SAMD14: variants seen among roughly 807,000 people sequenced by gnomAD.
The protein encoded by SAMD14 is sterile alpha motif domain-containing protein 14.
A neutral mutation model predicts 46.2 loss-of-function variants in SAMD14; 27 were observed. The observed-to-expected ratio is 0.58, with a 90% CI of 0.43 to 0.81. The LOEUF is 0.81. Among genes scored for constraint, SAMD14 ranks in the 30% least tolerant of loss-of-function variants. The pLI, the probability that SAMD14 is intolerant of heterozygous loss-of-function variation, is 0.00. For synonymous variants in SAMD14, 241 were observed against 254.3 expected, an observed-to-expected ratio of 0.95 and a Z score of 0.50; for missense variants, 559 against 582.2, an observed-to-expected ratio of 0.96 and a Z score of 0.41.
At chr17:50,117,805 G>T (rs1911306455) in intron 3 of SAMD14, 110 bp from the exon 4 acceptor site, 1 of 1,185,452 alleles carries the variant, frequency 8.4e-7, no homozygotes, top group Non-Finnish European at 1.1e-6. Flanking sequence ...CCGGGGCCTA[G>T]AGGGAGGGTT....
chr17:50,114,288 C>G lies in SAMD14; in HGVS notation c.841G>C (p.Asp281His). 1 of 1,614,046 alleles carries G rather than the reference C, an allele frequency of 6.2e-7. No homozygotes were observed. Among genetic ancestry groups the G allele is most frequent in the Non-Finnish European group, 8.5e-7 (1 of 1,179,996 alleles). ...SASQESTLSDDSTPPSSSPKI... is the reference protein window; with the variant it reads ...SASQESTLSDHSTPPSSSPKI... ...GGGCTGCTGCTGGGGGGCGTGGAGT[C>G]ATCACTCAGAGTGGATTCCTAGACA... is the stretch of plus-strand genomic sequence containing the variant. The change falls in exon 8 of 10, where the codon GAC becomes CAC. Residue 281 changes from aspartate (D) to histidine (H), a missense_variant. By Grantham distance (81) the Asp-to-His change is moderately conservative (BLOSUM62 -1). Coordinates refer to ENST00000330175, the MANE Select transcript of SAMD14 (RefSeq NM_001257359.2).
rs891569965 is a variant in SAMD14 at position 50,117,429 on chromosome 17, C to T, written c.477G>A (p.Pro159=). 1.7e-5 allele frequency: 23 copies of T among 1,341,804 alleles called. 1 individual carries two copies. In the African/African-American group the frequency reaches 2.4e-4, roughly 14 times the overall value. 83.1% of individuals were successfully genotyped at this position (1,341,804 alleles called of 1,614,324 possible). ...CACCTTCGCTGTGCGGCTCTGCGCG[C>T]GGGTGGCGGCGCACGAAGCTGGGGG... ...DSSPSFVRRH[P]RAEPHSEDDS... is the part of the protein sequence containing the mutation. The change falls in exon 4 of 10, where the codon CCG becomes CCA. Residue 159 remains proline, a synonymous_variant. Coordinates refer to ENST00000330175, the MANE Select transcript of SAMD14 (RefSeq NM_001257359.2).
In SAMD14 at chr17:50,117,554, G is replaced by C. The variant is rs1484310799; in HGVS notation, c.352C>G (p.Pro118Ala). The stretch of plus-strand genomic sequence containing the variant: ...TGCAGGGGCCGGTAGCGTGTGAGCG[G>C]CGAGGGCGGCGGCTCGTCCTCGTCC... ...SLDEDEPPPS[P>A]LTRYRPLHNA... The change falls in exon 4 of 10, where the codon CCG becomes GCG. Residue 118 changes from proline (P) to alanine (A), a missense_variant. Pro to Ala is a conservative substitution (Grantham distance 27). Transcript: ENST00000330175. 6.4e-7 allele frequency: 1 copy of C among 1,552,674 alleles called. No individual in the cohort carries two copies. Among genetic ancestry groups the C allele is most frequent in the Admixed American group, 1.8e-5 (1 of 54,942 alleles).
At chr17:50,124,752 CACGCGT>C (rs1252401482) in intron 2 of SAMD14, among the ~76,000 whole-genome samples, 159 bp downstream of exon 2, 2 of 116,066 alleles carry the variant, frequency 1.7e-5, no homozygotes, top group Non-Finnish European at 3.7e-5. Flanking sequence ...ACAATACCTG[CACGCGT>C]GCACGCGCGC....
rs267604941 is a variant in SAMD14 at position 50,118,168 on chromosome 17, C to G, written c.203G>C (p.Gly68Ala). Residue 68 changes from glycine to alanine, a missense_variant, in exon 3 of 10, where the codon GGA (glycine) becomes GCA (alanine). Transcript: ENST00000330175. The part of the protein sequence containing the change: ...AEDGEGSDGP[G>A]GKVTDGCGSP... ...TTCCTAACTTGCCCCAACCTTGCCT[C>G]CGGGCCCATCCGAGCCTTCACCATC... 1 of 1,597,062 alleles carries G rather than the reference C, an allele frequency of 6.3e-7. No individual in the cohort carries two copies. The highest frequency in any genetic ancestry group is 1.3e-5 in the African/African-American group (1 of 74,670).
In SAMD14 at chr17:50,115,864, C is replaced by T; in HGVS notation, c.628G>A (p.Glu210Lys). The change falls in exon 6 of 10, where the codon GAG becomes AAG. Residue 210 changes from glutamate (E) to lysine (K), a missense_variant. By Grantham distance (56) the Glu-to-Lys change is moderately conservative. Transcript: ENST00000330175. This position sits in a 1 kb window ranked among gnomAD's most constrained non-coding sequence, Gnocchi z 5.3. ...ATGGACAGTCGGTTGCTGCCTTTCTCCTTCCGGCTCTTGCCCGTGGATGCT... is the reference window on the plus strand; with the variant it reads ...ATGGACAGTCGGTTGCTGCCTTTCTTCTTCCGGCTCTTGCCCGTGGATGCT... ...RRASTGKSRK[E>K]KGSNRLSMGS... 6.2e-7 allele frequency: 1 copy of T among 1,613,250 alleles called. No individual in the cohort carries two copies. Among genetic ancestry groups the T allele is most frequent in the Non-Finnish European group, 8.5e-7 (1 of 1,179,884 alleles).
rs1469968482 is a variant in SAMD14, at chr17:50,117,430, G to A, written c.476C>T (p.Pro159Leu). Residue 159 changes from proline to leucine, a missense_variant, in exon 4 of 10, where the codon CCG becomes CTG. Pro to Leu is a moderately conservative substitution (Grantham distance 98). Coordinates refer to ENST00000330175, the MANE Select transcript of SAMD14 (RefSeq NM_001257359.2). ...ACCTTCGCTGTGCGGCTCTGCGCGC[G>A]GGTGGCGGCGCACGAAGCTGGGGGA... is the stretch of plus-strand genomic sequence containing the variant. Reference protein sequence around the residue: ...DSSPSFVRRHPRAEPHSEDDS... With the variant: ...DSSPSFVRRHLRAEPHSEDDS... 6 of 1,342,084 alleles carry A rather than the reference G, an allele frequency of 4.5e-6. No homozygotes were observed. The African/African-American group carries it at 7.7e-5, about 17-fold the overall frequency. The allele number at this position is 1,342,084 out of a possible 1,614,324, so 83.1% of individuals were successfully genotyped here. A position where few individuals can be genotyped will look rare whatever the true frequency, so the allele number is the denominator to read the frequency against.
chr17:50,112,756 G>A lies in SAMD14; in HGVS notation c.*137C>T, dbSNP rs1910920446. ...GGGTCTAGACCAAGTGACAGGGTAA[G>A]AGAGAGCATGTCCCCCCTGAGAGCG... On this transcript the variant is annotated 3_prime_UTR_variant, in exon 10 of 10. Coordinates refer to ENST00000330175, the MANE Select transcript of SAMD14 (RefSeq NM_001257359.2). 9.8e-7 allele frequency: 1 copy of A among 1,022,692 alleles called. No individual in the cohort carries two copies. The highest frequency in any genetic ancestry group is 2.6e-5 in the Admixed American group (1 of 38,048). 63.4% of individuals were successfully genotyped at this position (1,022,692 alleles called of 1,614,324 possible).
chr17:50,121,132 G>GCTCTC (rs1347283654), intron 2 of SAMD14, among the ~76,000 whole-genome samples: 2 of 152,034 alleles, frequency 1.3e-5, no homozygotes, highest in African/African-American at 4.8e-5. Context: ...TGGAACCTGG[G>GCTCTC]CTCTCCTCTC....
intron 1 of SAMD14, among the ~76,000 whole-genome samples, chr17:50,126,333 C>T (rs761528194): frequency 6.3e-5 from 9 of 142,156 alleles, no homozygotes; most frequent in South Asian, 2.2e-4. Context: ...GAGACGGAGT[C>T]TCACTCTGTC....
At position 50,113,942 on chromosome 17, in the gene SAMD14, C is replaced by T. The variant is rs753305726; in HGVS notation, c.1080G>A (p.Leu360=). 6.2e-7 allele frequency: 1 copy of T among 1,613,834 alleles called. No individual in the cohort carries two copies. The stretch of plus-strand genomic sequence containing the variant: ...GACCCACCTTTAGTTTGCTTCCGTC[C>T]AGCTGCAGCAGCTGCGGCCCGTCTA... ...RQVDGPQLLQ[L]DGSKLKSLGL... Residue 360 remains leucine (L), a synonymous_variant, in exon 9 of 10, where the codon CTG becomes CTA. Coordinates refer to ENST00000330175, the MANE Select transcript of SAMD14 (RefSeq NM_001257359.2).
intron 7 of SAMD14, chr17:50,114,566 G>GTTTTTTTTTTT: frequency 1.2e-6 from 1 of 840,898 alleles, no homozygotes; most frequent in Non-Finnish European, 1.8e-6. Flanking sequence ...GCGGTCTCAG[G>GTTTTTTTTTTT]CAAGGTGTCA....
At chr17:50,127,533 G>A (rs184333736) in intron 1 of SAMD14, among the ~76,000 whole-genome samples, 122 of 152,138 alleles carry the variant, frequency 8.0e-4, no homozygotes, top group African/African-American at 2.8e-3. Context: ...GCTGGGAGCC[G>A]GAGGTTGCAG....
Position 50,124,807 on chromosome 17 carries a change from A to ACACACACACT in SAMD14, c.43+109_43+110insAGTGTGTGTG, listed in dbSNP as rs1567723184. Reference sequence around the variant, plus strand: ...CACACACACACACACACACACACACACTCTGAAGCTGCCAAGAAGCACCCT... The same window carrying ACACACACACT: ...CACACACACACACACACACACACACACACACACACTCTCTGAAGCTGCCAAGAAGCACCCT... On this transcript the variant is annotated intron_variant, in intron 2 of 9. Coordinates refer to ENST00000330175, the MANE Select transcript of SAMD14 (RefSeq NM_001257359.2). 5.0e-5 allele frequency: 51 copies of ACACACACACT among 1,012,760 alleles called. No homozygotes were observed. In the African/African-American group the frequency reaches 6.4e-4, roughly 13 times the overall value. 62.7% of individuals were successfully genotyped at this position (1,012,760 alleles called of 1,614,324 possible).
chr17:50,113,549 C>G, intron 9 of SAMD14: 1 of 304,826 alleles, frequency 3.3e-6, no homozygotes, highest in Non-Finnish European at 6.2e-6. Context: ...CCACTATTAC[C>G]ACTAGCCTCT....
intron 9 of SAMD14, 143 bp downstream of exon 9, chr17:50,113,781 G>T: frequency 2.2e-6 from 2 of 900,804 alleles, no homozygotes; most frequent in Non-Finnish European, 3.4e-6. Context: ...GAGGTCAGAG[G>T]TCAGGGTGGT....
intron 7 of SAMD14, 61 bp from the exon 8 acceptor site, chr17:50,114,367 T>C: frequency 1.2e-6 from 2 of 1,614,024 alleles, no homozygotes; most frequent in South Asian, 1.1e-5. Flanking sequence ...CATCCCTATC[T>C]GGGTGGAGCC....
At chr17:50,113,766 G>A in intron 9 of SAMD14, 158 bp downstream of exon 9, 1 of 732,526 alleles carries the variant, frequency 1.4e-6, no homozygotes. Flanking sequence ...CAAGGACCTT[G>A]CCTAGAGGTC....
intron 1 of SAMD14, among the ~76,000 whole-genome samples, chr17:50,126,081 A>G (rs926528289): frequency 3.9e-5 from 6 of 152,240 alleles, no homozygotes; most frequent in African/African-American, 1.4e-4. Context: ...GAGGAAGCCC[A>G]GGGGCCATTG....
Sources: allele counts gnomAD v4.1 joint callset (sites outside exome capture counted in the v4.1 genomes callset), GRCh38; gene constraint gnomAD v4.1.1; non-coding constraint Gnocchi (gnomAD v3.1); transcripts MANE v1.5; gene names NCBI Gene and HGNC (gene_info 2026-07-23, HGNC 2026-07-21).